The following NRXN2 variants were observed in gnomAD, a reference collection of about 807,000 sequenced individuals.
The protein encoded by NRXN2 is neurexin 2, also known as neurexin-2-beta.
NRXN2 carries 29 observed loss-of-function variants against 128.8 expected under a neutral mutation model. The ratio of observed to expected loss-of-function variants is 0.23; its 90% CI spans 0.17 to 0.31. The LOEUF is 0.31. NRXN2 is among the 10% of genes least tolerant of loss of function. The pLI is 1.00. For synonymous variants in NRXN2, 1,098 were observed against 1,075.2 expected (o/e 1.02, Z -0.41); for missense variants, 1,881 against 2,452.6 (o/e 0.77, Z 4.92).
In NRXN2 at chr11:64,648,859, G is replaced by T; in HGVS notation, c.3158C>A (p.Pro1053His). Residue 1053 changes from proline (P) to histidine (H), a missense_variant, in exon 16 of 23, where the codon CCC becomes CAC. Pro to His is a moderately conservative substitution (Grantham distance 77). Around this residue, in one of 7 missense-constraint regions of NRXN2, gnomAD observed 390 missense variants for 599.6 expected, o/e 0.65. Transcript: ENST00000265459. The surrounding 1 kb of genome is among the most constrained non-coding windows in gnomAD (Gnocchi z 4.1). The part of the protein sequence containing the change: ...GLSKNMFSNL[P>H]KLVASRDGFQ... ...GCCATCCCGGGAGGCCACCAGCTTG[G>T]GCAGGTTGCTGAACATATTCTTGCT... The T allele has an allele frequency of 6.2e-7, 1 of 1,614,136 alleles. No homozygotes were observed. The highest frequency in any genetic ancestry group is 8.5e-7 in the Non-Finnish European group (1 of 1,180,020).
intron 7 of NRXN2, chr11:64,676,749 A>C: frequency 1.7e-6 from 1 of 587,252 alleles, no homozygotes; most frequent in Non-Finnish European, 3.0e-6. Flanking sequence ...TACAGCAGGG[A>C]CAAGCCAAAT....
At position 64,622,049 on chromosome 11, in the gene NRXN2, C is replaced by T. The variant is rs943225296; in HGVS notation, c.4173+704G>A. ...TGGGACTAGGCTAGCTGGGGCCATC[C>T]AGATCAGCAGGTGGGGTGAGCACCA... is the stretch of plus-strand genomic sequence containing the variant. On this transcript the variant is annotated intron_variant, in intron 21 of 22. Coordinates refer to ENST00000265459, the MANE Select transcript of NRXN2 (RefSeq NM_015080.4). The surrounding 1 kb of genome is among the most constrained non-coding windows in gnomAD (Gnocchi z 4.3). Among the ~76,000 whole-genome samples, 1 of 152,190 alleles carries T rather than the reference C, an allele frequency of 6.6e-6. No homozygotes were observed. The highest frequency in any genetic ancestry group is 1.5e-5 in the Non-Finnish European group (1 of 68,030).
intron 3 of NRXN2, among the ~76,000 whole-genome samples, chr11:64,693,091 G>A (rs1287334248): frequency 2.0e-5 from 3 of 149,794 alleles, no homozygotes; most frequent in South Asian, 2.1e-4. Flanking sequence ...GCCCGATGCC[G>A]AAACAGCGGG....
chr11:64,686,531 G>A (rs2053075308), intron 5 of NRXN2, among the ~76,000 whole-genome samples: 3 of 152,210 alleles, frequency 2.0e-5, no homozygotes, highest in Non-Finnish European at 2.9e-5. Context: ...GTGGGGGAAT[G>A]TGGGGAGGGC....
chr11:64,628,872 G>A (rs990646982), intron 19 of NRXN2, among the ~76,000 whole-genome samples: 3 of 152,178 alleles, frequency 2.0e-5, no homozygotes, highest in African/African-American at 7.2e-5. Context: ...GGGACTTGAT[G>A]TAGGCTGGCA....
chr11:64,653,681 A>C lies in NRXN2; in HGVS notation c.2416+15T>G. On this transcript the variant is annotated intron_variant, in intron 12 of 22. Coordinates refer to ENST00000265459, the MANE Select transcript of NRXN2 (RefSeq NM_015080.4). ...TCCCCTTGGGTCTCTGCAGAAGAAG[A>C]GGGAAGCCACTTACTGGGTGCGCAG... 6.3e-7 allele frequency: 1 copy of C among 1,593,248 alleles called. No individual in the cohort carries two copies. The highest frequency in any genetic ancestry group is 8.5e-7 in the Non-Finnish European group (1 of 1,171,562).
intron 1 of NRXN2, among the ~76,000 whole-genome samples, chr11:64,718,348 G>C (rs1398383108): frequency 6.6e-6 from 1 of 152,114 alleles, no homozygotes; most frequent in Non-Finnish European, 1.5e-5. Context: ...CCTCCCTCTG[G>C]CTCTCCTCTC....
At position 64,651,484 on chromosome 11, in the gene NRXN2, T is replaced by C. The variant is rs759631328; in HGVS notation, c.2689A>G (p.Lys897Glu). The C allele has an allele frequency of 8.1e-6, 13 of 1,614,158 alleles. No individual in the cohort carries two copies. Among genetic ancestry groups the C allele is most frequent in the Non-Finnish European group, 1.1e-5 (13 of 1,180,006 alleles). ...FNGQPYMDQC[K>E]DGDITYCELN... Reference sequence around the variant, plus strand: ...TCACAGTAGGTGATGTCACCATCCTTGCACTGGTCCATGTAGGGCTGGCCA... The same window carrying C: ...TCACAGTAGGTGATGTCACCATCCTCGCACTGGTCCATGTAGGGCTGGCCA... The change falls in exon 14 of 23, where the codon AAG becomes GAG. Residue 897 changes from lysine (K) to glutamate (E), a missense_variant. This residue lies in a region of NRXN2 where 390 missense variants were observed against 599.6 expected (regional missense o/e 0.65). Coordinates refer to ENST00000265459, the MANE Select transcript of NRXN2 (RefSeq NM_015080.4). The surrounding 1 kb of genome is among the most constrained non-coding windows in gnomAD (Gnocchi z 5.9).
At chr11:64,699,490 G>A (rs1174556092) in intron 2 of NRXN2, among the ~76,000 whole-genome samples, 1 of 114,094 alleles carries the variant, frequency 8.8e-6, no homozygotes, top group Admixed American at 1.3e-4. Flanking sequence ...GAGTGAAATG[G>A]TGCGATCTCA....
intron 19 of NRXN2, among the ~76,000 whole-genome samples, chr11:64,629,815 T>C (rs2043606521): frequency 6.6e-6 from 1 of 152,186 alleles, no homozygotes; most frequent in African/African-American, 2.4e-5. Context: ...CCTTTCACCA[T>C]GTCCCTCACC....
intron 2 of NRXN2, among the ~76,000 whole-genome samples, chr11:64,702,971 T>TAAAAAAAAAAAAAAAAAAAAAA (rs557268486): frequency 2.0e-5 from 1 of 51,136 alleles, no homozygotes; most frequent in Non-Finnish European, 3.8e-5. Flanking sequence ...CCCAGGTCTC[T>TAAAAAAAAAAAAAAAAAAAAAA]AAAAAAAAAA....
chr11:64,682,425 C>T (rs1368579301), intron 6 of NRXN2, among the ~76,000 whole-genome samples: 1 of 151,294 alleles, frequency 6.6e-6, no homozygotes, highest in Non-Finnish European at 1.5e-5. Flanking sequence ...AGAATGCATC[C>T]TTAGGAGACT....
intron 22 of NRXN2, among the ~76,000 whole-genome samples, chr11:64,615,097 G>A (rs2135288877): frequency 6.6e-6 from 1 of 152,372 alleles, no homozygotes; most frequent in East Asian, 1.9e-4. Context: ...AAGCTAGGCT[G>A]GGCCCCATGA....
At chr11:64,670,349 G>A (rs2050467410) in intron 7 of NRXN2, among the ~76,000 whole-genome samples, 2 of 152,118 alleles carry the variant, frequency 1.3e-5, no homozygotes, top group African/African-American at 4.8e-5. Flanking sequence ...AGGGGTCTGG[G>A]TAGAAGAGGG....
intron 3 of NRXN2, among the ~76,000 whole-genome samples, chr11:64,694,794 C>T (rs969861758): frequency 6.6e-6 from 1 of 152,184 alleles, no homozygotes; most frequent in African/African-American, 2.4e-5. Context: ...ATCCGACTCT[C>T]CCGGTCAGAA....
chr11:64,661,039 C>A lies in NRXN2; in HGVS notation c.1899G>T (p.Glu633Asp), dbSNP rs773622521. The stretch of plus-strand genomic sequence containing the variant: ...GCAGGGGCAGGTCCACCCGGCCCCC[C>A]TCAGGGAGACCGCCCAGGTACAGCT... Reference protein sequence around the residue: ...ESELYLGGLPEGGRVDLPLPP... With the variant: ...ESELYLGGLPDGGRVDLPLPP... Residue 633 changes from glutamate to aspartate, a missense_variant, in exon 10 of 23, where the codon GAG (glutamate) becomes GAT (aspartate). Coordinates refer to ENST00000265459, the MANE Select transcript of NRXN2 (RefSeq NM_015080.4). The A allele has an allele frequency of 1.9e-6, 3 of 1,613,396 alleles. No individual in the cohort carries two copies. The highest frequency in any genetic ancestry group is 2.7e-5 in the African/African-American group (2 of 74,932).
In NRXN2 at chr11:64,607,819, G is replaced by T. The variant is rs1265115555; in HGVS notation, c.4516C>A (p.Pro1506Thr). Residue 1506 changes from proline (P) to threonine (T), a missense_variant, in exon 23 of 23, where the codon CCC becomes ACC. Coordinates refer to ENST00000265459, the MANE Select transcript of NRXN2 (RefSeq NM_015080.4). ...TAAAAGTCCTCGTCGTCCGTGGGGG[G>T]GAGGCTGGAGTCAAAGACCTCCCCG... The part of the protein sequence containing the change: ...ASGEVFDSSL[P>T]PTDDEDFYTT... 1 of 1,602,128 alleles carries T rather than the reference G, an allele frequency of 6.2e-7. No individual in the cohort carries two copies. The highest frequency in any genetic ancestry group is 8.5e-7 in the Non-Finnish European group (1 of 1,174,930).
chr11:64,650,020 G>A (rs2047244055), intron 15 of NRXN2, among the ~76,000 whole-genome samples: 1 of 152,102 alleles, frequency 6.6e-6, no homozygotes, highest in South Asian at 2.1e-4. Flanking sequence ...CGATGCCCAA[G>A]ACAGGTGACT....
rs2047405332 is a variant in NRXN2 at position 64,651,125 on chromosome 11, CG to C, written c.2918+129del. ...AAGAGGGAGCCTCTCGACTTACGGT[CG>C]GGGACCTGAATCTTGACTTGTGATC... On this transcript the variant is annotated intron_variant, in intron 14 of 22. Transcript: ENST00000265459. The surrounding 1 kb of genome is among the most constrained non-coding windows in gnomAD (Gnocchi z 5.9). The C allele has an allele frequency of 2.3e-6, 3 of 1,282,376 alleles. No individual in the cohort carries two copies. Among genetic ancestry groups the C allele is most frequent in the Non-Finnish European group, 3.3e-6 (3 of 898,930 alleles). 79.4% of individuals were successfully genotyped at this position (1,282,376 alleles called of 1,614,324 possible). A position where few individuals can be genotyped will look rare whatever the true frequency, so the allele number is the denominator to read the frequency against.
Sources: gnomAD v4.1 joint callset for allele counts (sites outside exome capture counted in the v4.1 genomes callset) on GRCh38, gnomAD v4.1.1 for gene constraint, gnomAD v4.1.1 regional missense constraint, Gnocchi (gnomAD v3.1) non-coding constraint, MANE v1.5 for transcripts, NCBI Gene and HGNC (gene_info 2026-07-23, HGNC 2026-07-21) for gene names.